The following POMZP3 variants were observed in gnomAD, a reference collection of about 807,000 sequenced individuals.
POMZP3 encodes POM121 and ZP3 fusion.
Under a neutral mutation model 19.8 loss-of-function variants are expected in POMZP3, and 10 were observed. The observed-to-expected ratio is 0.51, with a 90% CI of 0.31 to 0.86. The LOEUF is 0.86. Among genes scored for constraint, POMZP3 ranks in the 40% least tolerant of loss-of-function variants. The probability of loss-of-function intolerance (pLI) is 0.04; values close to 1 mark genes in which losing one functional copy is unlikely to be tolerated. For missense variants in POMZP3, 152 were observed against 228.1 expected, an observed-to-expected ratio of 0.67 and a Z score of 2.15; for synonymous variants, 57 against 85.8, an observed-to-expected ratio of 0.66 and a Z score of 1.85.
intron 3 of POMZP3, among the ~76,000 whole-genome samples, chr7:76,623,165 C>A (rs562735704): frequency 6.7e-6 from 1 of 149,998 alleles, no homozygotes; most frequent in Non-Finnish European, 1.5e-5. Flanking sequence ...AGCCACCGCA[C>A]CCAGCCCAAA....
At chr7:76,611,152 G>A (rs1404113856) in intron 6 of POMZP3, among the ~76,000 whole-genome samples, 1 of 149,204 alleles carries the variant, frequency 6.7e-6, no homozygotes, top group Admixed American at 6.7e-5. Flanking sequence ...GGGATTACAG[G>A]CCTGAGCCAC....
Position 76,611,582 on chromosome 7 carries a change from T to C in POMZP3, c.447A>G (p.Pro149=), listed in dbSNP as rs775854130. ...SFSKPSNSWF[P]VEGLADICQC... is the part of the protein sequence containing the mutation. ...GACAGATGTCAGCCAGGCCTTCCAC[T>C]GGGAACCAGCTGAGATGAAAGAGAA... Residue 149 remains proline (P), a synonymous_variant, in exon 6 of 7, where the codon CCA becomes CCG. Coordinates refer to ENST00000310842, the MANE Select transcript of POMZP3 (RefSeq NM_012230.5). The C allele has an allele frequency of 6.3e-6, 10 of 1,599,398 alleles. No individual in the cohort carries two copies. In the East Asian group the frequency reaches 2.0e-4, roughly 32 times the overall value.
At position 76,610,317 on chromosome 7, in the gene POMZP3, T is replaced by A. The variant is rs1815031355; in HGVS notation, c.*12-102A>T. The A allele has an allele frequency of 5.3e-6, 6 of 1,140,710 alleles. No homozygotes were observed. In the East Asian group the frequency reaches 1.4e-4, roughly 27 times the overall value. 70.7% of individuals were successfully genotyped at this position (1,140,710 alleles called of 1,614,324 possible). A position where few individuals can be genotyped will look rare whatever the true frequency, so the allele number is the denominator to read the frequency against. On this transcript the variant is annotated intron_variant, in intron 6 of 6. Transcript: ENST00000310842. ...CAGTGGGCTAAACTAATATGTTGTC[T>A]TTTTTGTGTGGGCTAATAAACAGTT...
At chr7:76,614,653 A>G (rs1815226819) in intron 4 of POMZP3, among the ~76,000 whole-genome samples, 1 of 84,124 alleles carries the variant, frequency 1.2e-5, no homozygotes, top group African/African-American at 5.8e-5. Context: ...TGAGGTCAGG[A>G]GTTTAAGACC....
chr7:76,625,988 G>C lies in POMZP3; in HGVS notation c.65+12C>G. On this transcript the variant is annotated intron_variant, in intron 2 of 6. Coordinates refer to ENST00000310842, the MANE Select transcript of POMZP3 (RefSeq NM_012230.5). Reference sequence around the variant, plus strand: ...CGAAAAGGGAGAGTATTCTTCCAACGATAATACTCACATCGCAGAACGCGA... The same window carrying C: ...CGAAAAGGGAGAGTATTCTTCCAACCATAATACTCACATCGCAGAACGCGA... The C allele has an allele frequency of 6.2e-7, 1 of 1,613,440 alleles. No homozygotes were observed. Among genetic ancestry groups the C allele is most frequent in the Non-Finnish European group, 8.5e-7 (1 of 1,179,546 alleles).
rs1815158333 is a variant in POMZP3 at position 76,612,837 on chromosome 7, G to T, written c.346-1024C>A. Reference sequence around the variant, plus strand: ...TAAGGCAAGACCAAGTTGTTTCTGGGACCTGAGGTCCTTGGGCACATAAAG... The same window carrying T: ...TAAGGCAAGACCAAGTTGTTTCTGGTACCTGAGGTCCTTGGGCACATAAAG... On this transcript the variant is annotated intron_variant, in intron 4 of 6. Transcript: ENST00000310842. 2.6e-5 allele frequency among the ~76,000 whole-genome samples: 2 copies of T among 76,316 alleles called. 1 individual carries two copies. Among genetic ancestry groups the T allele is most frequent in the South Asian group, 9.5e-4 (2 of 2,110 alleles). The allele number at this position is 76,316 out of a possible 152,430, so 50.1% of individuals were successfully genotyped here.
Position 76,627,040 on chromosome 7 carries a change from G to T in POMZP3, c.-484C>A, listed in dbSNP as rs1280980254. On this transcript the variant is annotated 5_prime_UTR_variant, in exon 1 of 7. Transcript: ENST00000310842. ...ATGTCGCGCCTTCTGAACGAAGGAG[G>T]ACAAGGGGCGCGAACCTCGGGGCTC... 3.0e-6 allele frequency: 4 copies of T among 1,326,492 alleles called. No individual in the cohort carries two copies. Among genetic ancestry groups the T allele is most frequent in the Non-Finnish European group, 3.0e-6 (3 of 1,009,562 alleles). The allele number at this position is 1,326,492 out of a possible 1,614,324, so 82.2% of individuals were successfully genotyped here.
chr7:76,621,546 C>G (rs1246061019), intron 3 of POMZP3, among the ~76,000 whole-genome samples: 1 of 151,598 alleles, frequency 6.6e-6, no homozygotes. Flanking sequence ...AGGCTGAGAC[C>G]TATTGGGCTG....
intron 4 of POMZP3, among the ~76,000 whole-genome samples, chr7:76,613,385 G>A (rs1279546696): frequency 4.8e-5 from 6 of 124,010 alleles, no homozygotes; most frequent in East Asian, 2.5e-4. Flanking sequence ...TCTGGGAAAC[G>A]TTTACCCACC....
In POMZP3 at chr7:76,624,775, A is replaced by G. The variant is rs374154445; in HGVS notation, c.227+747T>C. ...AATTGGTTTTAATCTCATTACTGATAAAACTACCAAACTCTAGTTTTCATT... is the reference window on the plus strand; with the variant it reads ...AATTGGTTTTAATCTCATTACTGATGAAACTACCAAACTCTAGTTTTCATT... On this transcript the variant is annotated intron_variant, in intron 3 of 6. Coordinates refer to ENST00000310842, the MANE Select transcript of POMZP3 (RefSeq NM_012230.5). Among the ~76,000 whole-genome samples the G allele has an allele frequency of 5.3e-5, 8 of 151,680 alleles. No individual in the cohort carries two copies. In the South Asian group the frequency reaches 1.5e-3, roughly 28 times the overall value.
rs887119540 is a variant in POMZP3 at position 76,627,220 on chromosome 7, G to A, written c.-664C>T. ...CACTCGCTATCGGCCGCCGCCGCTC[G>A]CCTGCTCCAGCCGCCGCAGCCGCCG... On this transcript the variant is annotated 5_prime_UTR_variant, in exon 1 of 7. Transcript: ENST00000310842. 4.7e-5 allele frequency: 66 copies of A among 1,414,284 alleles called. 7 individuals are homozygous for A. The highest frequency in any genetic ancestry group is 2.3e-4 in the African/African-American group (16 of 68,238). 87.6% of individuals were successfully genotyped at this position (1,414,284 alleles called of 1,614,324 possible). A position where few individuals can be genotyped will look rare whatever the true frequency, so the allele number is the denominator to read the frequency against.
In POMZP3 at chr7:76,611,572, GGCCTT is replaced by G. The variant is rs770331621; in HGVS notation, c.452_456del (p.Glu151AlafsTer3). 5.0e-6 allele frequency: 8 copies of G among 1,599,088 alleles called. No homozygotes were observed. In the East Asian group the frequency reaches 1.6e-4, roughly 31 times the overall value. ...TTACAGCATTGACAGATGTCAGCCA[GGCCTT>G]CCACTGGGAACCAGCTGAGATGAAA... is the stretch of plus-strand genomic sequence containing the variant. On this transcript the variant is annotated frameshift_variant, in exon 6 of 7. Coordinates refer to ENST00000310842, the MANE Select transcript of POMZP3 (RefSeq NM_012230.5). LOFTEE classifies it high-confidence loss of function.
At position 76,625,944 on chromosome 7, in the gene POMZP3, G is replaced by C. The variant is rs1230998301; in HGVS notation, c.65+56C>G. On this transcript the variant is annotated intron_variant, in intron 2 of 6. Transcript: ENST00000310842. ...AGTCATGTTGTCATAGGAACAACTG[G>C]AGAAGAATAAAGTGGACACGAAAAG... is the stretch of plus-strand genomic sequence containing the variant. 4.6e-5 allele frequency: 74 copies of C among 1,605,096 alleles called. No homozygotes were observed. The Middle Eastern group carries it at 7.8e-4, about 17-fold the overall frequency.
rs150613148 is a variant in POMZP3 at position 76,625,727 on chromosome 7, C to T, written c.66-44G>A. 901 of 1,597,600 alleles carry T rather than the reference C, an allele frequency of 5.6e-4. 15 individuals carry two copies. In the African/African-American group the frequency reaches 0.011, roughly 19 times the overall value. ...TTCTAGCAGTAAGATATTTTAATTC[C>T]CATGCCATATCAGAAATGGAAATCA... On this transcript the variant is annotated intron_variant, in intron 2 of 6. Coordinates refer to ENST00000310842, the MANE Select transcript of POMZP3 (RefSeq NM_012230.5).
intron 4 of POMZP3, among the ~76,000 whole-genome samples, chr7:76,614,451 TG>T (rs1028278240): frequency 1.3e-5 from 1 of 78,014 alleles, no homozygotes; most frequent in African/African-American, 5.8e-5. Context: ...CCCAGCTACT[TG>T]GGAGGCTGGA....
chr7:76,627,213 G>T lies in POMZP3; in HGVS notation c.-657C>A, dbSNP rs1050547132. The T allele has an allele frequency of 9.8e-6, 14 of 1,430,798 alleles. 3 individuals are homozygous for T. The highest frequency in any genetic ancestry group is 1.3e-5 in the Non-Finnish European group (14 of 1,082,198). 88.6% of individuals were successfully genotyped at this position (1,430,798 alleles called of 1,614,324 possible). The stretch of plus-strand genomic sequence containing the variant: ...GCCCTGACACTCGCTATCGGCCGCC[G>T]CCGCTCGCCTGCTCCAGCCGCCGCA... On this transcript the variant is annotated 5_prime_UTR_variant, in exon 1 of 7. Transcript: ENST00000310842.
intron 3 of POMZP3, among the ~76,000 whole-genome samples, chr7:76,619,622 G>C (rs1340151462): frequency 6.7e-6 from 1 of 149,490 alleles, no homozygotes; most frequent in Non-Finnish European, 1.5e-5. Flanking sequence ...CTCAAAGGCT[G>C]GGGTTTGTTC....
rs1446522192 is a variant in POMZP3 at position 76,620,306 on chromosome 7, C to T, written c.228-2006G>A. Reference sequence around the variant, plus strand: ...TTGCACCACTGCACTCCAGCCTGGGCAACAGAGTGAGACTGTCTCAAATAA... The same window carrying T: ...TTGCACCACTGCACTCCAGCCTGGGTAACAGAGTGAGACTGTCTCAAATAA... On this transcript the variant is annotated intron_variant, in intron 3 of 6. Transcript: ENST00000310842. 6.9e-5 allele frequency among the ~76,000 whole-genome samples: 4 copies of T among 57,638 alleles called. 1 individual carries two copies. The Admixed American group carries it at 7.4e-4, about 11-fold the overall frequency. The allele number at this position is 57,638 out of a possible 152,430, so 37.8% of individuals were successfully genotyped here.
rs1629593 is a variant in POMZP3, at chr7:76,622,555, A to G, written c.227+2967T>C. 9.3e-4 allele frequency among the ~76,000 whole-genome samples: 141 copies of G among 151,256 alleles called. 2 individuals are homozygous for G. The South Asian group carries it at 0.012, about 13-fold the overall frequency. On this transcript the variant is annotated intron_variant, in intron 3 of 6. Coordinates refer to ENST00000310842, the MANE Select transcript of POMZP3 (RefSeq NM_012230.5). Reference sequence around the variant, plus strand: ...TAATTTTTGTATTTTTAGTAGAGACAGGGTTTCACCATCTTGGCCAGGCTG... The same window carrying G: ...TAATTTTTGTATTTTTAGTAGAGACGGGGTTTCACCATCTTGGCCAGGCTG...
Sources: allele counts gnomAD v4.1 joint callset (sites outside exome capture counted in the v4.1 genomes callset), GRCh38; gene constraint gnomAD v4.1.1; transcripts MANE v1.5; gene names NCBI Gene and HGNC (gene_info 2026-07-23, HGNC 2026-07-21).